AHCTF1: variants seen among roughly 807,000 people sequenced by gnomAD.
AHCTF1 encodes the protein protein ELYS.
A neutral mutation model predicts 248.4 loss-of-function variants in AHCTF1; 24 were observed. That is an observed-to-expected ratio of 0.10 (90% CI 0.07 to 0.14). The LOEUF is 0.14. Ranked by LOEUF, AHCTF1 falls within the 10% of genes least tolerant of loss-of-function variation. The pLI, the probability that AHCTF1 is intolerant of heterozygous loss-of-function variation, is 1.00. For missense variants in AHCTF1, 2,206 were observed against 2,636.2 expected, an observed-to-expected ratio of 0.84 and a Z score of 3.57; for synonymous variants, 786 against 929.8, an observed-to-expected ratio of 0.85 and a Z score of 2.81.
At chr1:246,872,071 G>C (rs974971313) in intron 24 of AHCTF1, among the ~76,000 whole-genome samples, 15 of 97,856 alleles carry the variant, frequency 1.5e-4, no homozygotes, top group African/African-American at 6.6e-4. Flanking sequence ...AAAAAAAAAA[G>C]AACCTAGATT....
At position 246,885,636 on chromosome 1, in the gene AHCTF1, C is replaced by G. The variant is rs1476126928; in HGVS notation, c.2517G>C (p.Leu839Phe). Residue 839 changes from leucine (L) to phenylalanine (F), a missense_variant, in exon 21 of 36, where the codon TTG becomes TTC. Around this residue, in one of 6 missense-constraint regions of AHCTF1, gnomAD observed 650 missense variants for 870.8 expected, o/e 0.75. Coordinates refer to ENST00000648844, the MANE Select transcript of AHCTF1 (RefSeq NM_001323342.2). ...GAATAATCTTTGAATGTTGCCATGA[C>G]AAAGGTTTTGCAGTAGCTGGATGAA... ...LLFHPATAKP[L>F]SWQHSKIIQA... is the part of the protein sequence containing the mutation. 3.7e-6 allele frequency: 6 copies of G among 1,604,564 alleles called. No individual in the cohort carries two copies. The highest frequency in any genetic ancestry group is 5.1e-6 in the Non-Finnish European group (6 of 1,174,846).
chr1:246,849,391 ATC>A (rs1288405656), intron 33 of AHCTF1, among the ~76,000 whole-genome samples: 2 of 152,368 alleles, frequency 1.3e-5, no homozygotes, highest in South Asian at 2.1e-4. Flanking sequence ...TAAAAAATAA[ATC>A]TGTTACGTGA....
Position 246,851,465 on chromosome 1 carries a change from A to G in AHCTF1, c.4564-23T>C, listed in dbSNP as rs1558212872. The G allele has an allele frequency of 3.2e-6, 5 of 1,568,940 alleles. No homozygotes were observed. In the East Asian group the frequency reaches 1.1e-4, roughly 35 times the overall value. ...CACCTAAATGAATTAAAGATAAGAG[A>G]CTGGTTAAAGAATTTTAATACATGT... On this transcript the variant is annotated intron_variant, in intron 32 of 35. Transcript: ENST00000648844.
intron 25 of AHCTF1, 107 bp downstream of exon 25, chr1:246,867,554 C>A: frequency 7.2e-7 from 1 of 1,391,008 alleles, no homozygotes; most frequent in Non-Finnish European, 9.9e-7. Context: ...TTCTTTTTTA[C>A]ATACACTAAT....
intron 21 of AHCTF1, among the ~76,000 whole-genome samples, chr1:246,884,547 C>T (rs533745456): frequency 6.6e-6 from 1 of 152,236 alleles, no homozygotes; most frequent in South Asian, 2.1e-4. Context: ...TAAAATAAGT[C>T]TAGTAAGGAA....
intron 2 of AHCTF1, among the ~76,000 whole-genome samples, chr1:246,916,972 T>C (rs1260117464): frequency 6.6e-6 from 1 of 152,210 alleles, no homozygotes; most frequent in Non-Finnish European, 1.5e-5. Context: ...AGCATAATGA[T>C]AGGAAGTCTC....
chr1:246,867,459 G>A, intron 25 of AHCTF1, 108 bp from the exon 26 acceptor site: 1 of 991,298 alleles, frequency 1.0e-6, no homozygotes, highest in South Asian at 1.7e-5. Context: ...GTACAGTTCT[G>A]CATTGCTTAC....
rs537399062 is a variant in AHCTF1 at position 246,888,098 on chromosome 1, A to T, written c.2325+79T>A. On this transcript the variant is annotated intron_variant, in intron 19 of 35. Coordinates refer to ENST00000648844, the MANE Select transcript of AHCTF1 (RefSeq NM_001323342.2). The stretch of plus-strand genomic sequence containing the variant: ...AACCAAAATTCAACCTTGCAATTAG[A>T]TATGTCAGGTTTCCACTACTCTTGA... The T allele has an allele frequency of 4.7e-6, 7 of 1,479,532 alleles. No individual in the cohort carries two copies. The Admixed American group carries it at 1.3e-4, about 28-fold the overall frequency. 91.7% of individuals were successfully genotyped at this position (1,479,532 alleles called of 1,614,324 possible). A position where few individuals can be genotyped will look rare whatever the true frequency, so the allele number is the denominator to read the frequency against.
At chr1:246,859,324 TCA>T (rs910568971) in intron 29 of AHCTF1, among the ~76,000 whole-genome samples, 2 of 152,146 alleles carry the variant, frequency 1.3e-5, no homozygotes, top group African/African-American at 4.8e-5. Flanking sequence ...ACAAATAGGT[TCA>T]GTTTTCTGAC....
chr1:246,884,534 G>T (rs1434150887), intron 21 of AHCTF1, among the ~76,000 whole-genome samples: 2 of 152,150 alleles, frequency 1.3e-5, no homozygotes, highest in African/African-American at 4.8e-5. Flanking sequence ...AGTAAAAGTG[G>T]TATAAAATAA....
Position 246,862,060 on chromosome 1 carries a change from A to G in AHCTF1, c.3634T>C (p.Leu1212=). The G allele has an allele frequency of 6.2e-7, 1 of 1,612,032 alleles. No homozygotes were observed. The highest frequency in any genetic ancestry group is 1.7e-4 in the Middle Eastern group (1 of 6,058). ...CCAGGTGATGGAGAGGGAGATGCTA[A>G]AGGTGTTGATCGAAGAGTAGACCTC... is the stretch of plus-strand genomic sequence containing the variant. ...ILRSTLRSTP[L]ASPSPSPGRS... Residue 1212 remains leucine, a synonymous_variant, in exon 28 of 36, where the codon TTA becomes CTA. Coordinates refer to ENST00000648844, the MANE Select transcript of AHCTF1 (RefSeq NM_001323342.2).
chr1:246,896,896 G>C (rs924688603), intron 12 of AHCTF1, among the ~76,000 whole-genome samples: 3 of 152,126 alleles, frequency 2.0e-5, no homozygotes, highest in Non-Finnish European at 4.4e-5. Flanking sequence ...AACCTAAGAA[G>C]GCATGACTCT....
At chr1:246,914,577 G>A (rs1666016935) in intron 3 of AHCTF1, among the ~76,000 whole-genome samples, 1 of 152,118 alleles carries the variant, frequency 6.6e-6, no homozygotes, top group African/African-American at 2.4e-5. Flanking sequence ...TCAGTGAGGA[G>A]TAGCGAATCT....
intron 15 of AHCTF1, among the ~76,000 whole-genome samples, 176 bp from the exon 16 acceptor site, chr1:246,891,236 C>CAAATACAAAGA (rs955370550): frequency 6.6e-6 from 1 of 152,090 alleles, no homozygotes; most frequent in African/African-American, 2.4e-5. Flanking sequence ...ATTTAGTTTA[C>CAAATACAAAGA]TTTGGTCCAA....
chr1:246,864,213 T>C (rs1319535465), intron 26 of AHCTF1, 97 bp from the exon 27 acceptor site: 7 of 1,182,238 alleles, frequency 5.9e-6, no homozygotes, highest in South Asian at 1.6e-5. Context: ...GTAACTATGA[T>C]AGCCACATGC....
chr1:246,844,763 A>C (rs1337272932), intron 33 of AHCTF1, among the ~76,000 whole-genome samples: 6 of 152,106 alleles, frequency 3.9e-5, no homozygotes, highest in Non-Finnish European at 8.8e-5. Context: ...TTTAAACAAC[A>C]ATTGGTTTAA....
chr1:246,915,976 C>G (rs1042072500), intron 3 of AHCTF1, among the ~76,000 whole-genome samples, 166 bp downstream of exon 3: 1 of 152,080 alleles, frequency 6.6e-6, no homozygotes. Flanking sequence ...CATCTTTAAC[C>G]TCATTTTTAT....
intron 2 of AHCTF1, 74 bp downstream of exon 2, chr1:246,918,176 C>A: frequency 7.5e-7 from 1 of 1,325,894 alleles, no homozygotes; most frequent in South Asian, 2.0e-5. Flanking sequence ...CATAAAGAAA[C>A]TATAATATAT....
chr1:246,885,133 G>A (rs1430032639), intron 21 of AHCTF1, among the ~76,000 whole-genome samples: 2 of 152,116 alleles, frequency 1.3e-5, no homozygotes, highest in African/African-American at 4.8e-5. Flanking sequence ...TCTTAACATT[G>A]GAAGACCAAT....
Sources: gnomAD v4.1 joint callset for allele counts (sites outside exome capture counted in the v4.1 genomes callset) on GRCh38, gnomAD v4.1.1 for gene constraint, gnomAD v4.1.1 regional missense constraint, MANE v1.5 for transcripts, NCBI Gene and HGNC (gene_info 2026-07-23, HGNC 2026-07-21) for gene names.